Variants in TCF7L1 observed in about 807,000 individuals in gnomAD.
The protein encoded by TCF7L1 is transcription factor 7 like 1.
In TCF7L1, 18 loss-of-function variants were observed where a neutral mutation model predicts 63.7. That is an observed-to-expected ratio of 0.28 (90% confidence interval 0.20 to 0.42). The LOEUF (loss-of-function observed/expected upper bound fraction) is 0.42. TCF7L1 is among the 10% of genes least tolerant of loss of function. TCF7L1 has a pLI of 1.00. For synonymous variants in TCF7L1, 355 were observed against 340.9 expected, an observed-to-expected ratio of 1.04 and a Z score of -0.46; for missense variants, 654 against 779.3, an observed-to-expected ratio of 0.84 and a Z score of 1.91.
At chr2:85,199,226 G>A (rs1464065345) in intron 3 of TCF7L1, among the ~76,000 whole-genome samples, 2 of 152,074 alleles carry the variant, frequency 1.3e-5, no homozygotes, top group African/African-American at 2.4e-5. Flanking sequence ...TTCAGTCCCT[G>A]CCCAGCTCAC....
chr2:85,143,666 C>T (rs1677798065), intron 3 of TCF7L1, among the ~76,000 whole-genome samples: 2 of 152,194 alleles, frequency 1.3e-5, no homozygotes, highest in African/African-American at 4.8e-5. Flanking sequence ...GTCTAGGTCT[C>T]CCATTCTACC....
chr2:85,248,255 G>A (rs1368453308), intron 3 of TCF7L1, among the ~76,000 whole-genome samples: 1 of 152,130 alleles, frequency 6.6e-6, no homozygotes, highest in Admixed American at 6.5e-5. Context: ...ACAAACACTT[G>A]CTTGGTTTTT....
At chr2:85,137,835 A>G (rs1380756165) in intron 3 of TCF7L1, among the ~76,000 whole-genome samples, 2 of 151,462 alleles carry the variant, frequency 1.3e-5, no homozygotes, top group African/African-American at 4.9e-5. Context: ...AGAGGTTGCA[A>G]TGAGCTGAGA....
At chr2:85,268,139 A>G (rs1681024874) in intron 3 of TCF7L1, among the ~76,000 whole-genome samples, 1 of 152,198 alleles carries the variant, frequency 6.6e-6, no homozygotes, top group East Asian at 1.9e-4. Context: ...AGGTAAATGG[A>G]GTCTTACTCA....
intron 3 of TCF7L1, among the ~76,000 whole-genome samples, chr2:85,245,708 G>A (rs962672137): frequency 7.2e-5 from 11 of 151,958 alleles, no homozygotes; most frequent in Non-Finnish European, 1.5e-5. Context: ...CCAGCTACTC[G>A]GGAGGCTGAG....
At chr2:85,296,418 T>G (rs4832159) in intron 4 of TCF7L1, among the ~76,000 whole-genome samples, 114,761 of 152,146 alleles carry the variant, frequency 0.75, 44,716 homozygotes, top group East Asian at 0.94. Flanking sequence ...TGCATCCTCG[T>G]TACCTCATTT....
chr2:85,210,741 C>T (rs1013667106), intron 3 of TCF7L1, among the ~76,000 whole-genome samples: 7 of 152,270 alleles, frequency 4.6e-5, no homozygotes, highest in African/African-American at 1.7e-4. Flanking sequence ...TGGTCATTTC[C>T]GGAGTACTTG....
At chr2:85,236,836 G>C (rs189934976) in intron 3 of TCF7L1, among the ~76,000 whole-genome samples, 1 of 152,294 alleles carries the variant, frequency 6.6e-6, no homozygotes, top group African/African-American at 2.4e-5. Flanking sequence ...GAACCAGGAG[G>C]AGAGAAGGAG....
intron 7 of TCF7L1, among the ~76,000 whole-genome samples, chr2:85,304,564 C>T (rs1467036218): frequency 6.6e-6 from 1 of 152,096 alleles, no homozygotes; most frequent in Non-Finnish European, 1.5e-5. Flanking sequence ...ATTGCAAAGC[C>T]CTAGCACTCT....
At chr2:85,172,131 G>A (rs1458889188) in intron 3 of TCF7L1, among the ~76,000 whole-genome samples, 1 of 152,092 alleles carries the variant, frequency 6.6e-6, no homozygotes, top group Non-Finnish European at 1.5e-5. Flanking sequence ...TGTCCACCAG[G>A]GGAGCCCCGC....
intron 4 of TCF7L1, among the ~76,000 whole-genome samples, chr2:85,284,830 A>C (rs1347498827): frequency 6.6e-6 from 1 of 152,240 alleles, no homozygotes; most frequent in Non-Finnish European, 1.5e-5. Context: ...ATCAAAGTAG[A>C]GAGAATTACA....
chr2:85,303,550 T>G, intron 5 of TCF7L1: 1 of 223,498 alleles, frequency 4.5e-6, no homozygotes, highest in African/African-American at 2.3e-5. Flanking sequence ...GAGGCGGGCT[T>G]TCTAGAGACT....
chr2:85,236,914 A>G (rs978255034), intron 3 of TCF7L1, among the ~76,000 whole-genome samples: 4 of 152,186 alleles, frequency 2.6e-5, no homozygotes, highest in Admixed American at 2.6e-4. Context: ...GTCTACCACC[A>G]CGGGGCGAGG....
At chr2:85,253,285 C>G (rs931290928) in intron 3 of TCF7L1, among the ~76,000 whole-genome samples, 1 of 151,150 alleles carries the variant, frequency 6.6e-6, no homozygotes, top group Non-Finnish European at 1.5e-5. Context: ...AATAGTTTGA[C>G]AGCCAGTCAG....
intron 3 of TCF7L1, among the ~76,000 whole-genome samples, chr2:85,169,319 A>C (rs1678495137): frequency 6.7e-6 from 1 of 148,250 alleles, no homozygotes; most frequent in African/African-American, 2.5e-5. Context: ...GGCTTTGATG[A>C]CCTGAACTCC....
rs116356120 is a variant in TCF7L1 at position 85,133,978 on chromosome 2, T to C, written c.250-38T>C. The C allele has an allele frequency of 7.2e-3, 11,420 of 1,592,868 alleles. 65 individuals carry two copies. Among genetic ancestry groups the C allele is most frequent in the Non-Finnish European group, 9.2e-3 (10,729 of 1,168,066 alleles). On this transcript the variant is annotated intron_variant, in intron 1 of 11. Coordinates refer to ENST00000282111, the MANE Select transcript of TCF7L1 (RefSeq NM_031283.3). The surrounding 1 kb of genome is among the most constrained non-coding windows in gnomAD (Gnocchi z 4.4). ...ACCCCCGGGGGATCCCGGCCCTGCG[T>C]CCGCTCACCCGCTCTTGCCTTTGTG...
rs1478008873 is a variant in TCF7L1 at position 85,134,003 on chromosome 2, G to A, written c.250-13G>A. 13 of 1,609,328 alleles carry A rather than the reference G, an allele frequency of 8.1e-6. No homozygotes were observed. Among genetic ancestry groups the A allele is most frequent in the Non-Finnish European group, 1.1e-5 (13 of 1,178,150 alleles). ...TCCGCTCACCCGCTCTTGCCTTTGT[G>A]TCTCCTCCGCAGGCGGAGAGGCGCC... On this transcript the variant is annotated splice_polypyrimidine_tract_variant and intron_variant, in intron 1 of 11. Coordinates refer to ENST00000282111, the MANE Select transcript of TCF7L1 (RefSeq NM_031283.3). This position sits in a 1 kb window ranked among gnomAD's most constrained non-coding sequence, Gnocchi z 5.0.
intron 3 of TCF7L1, among the ~76,000 whole-genome samples, chr2:85,230,126 G>T (rs1363788386): frequency 6.6e-6 from 1 of 152,160 alleles, no homozygotes; most frequent in Non-Finnish European, 1.5e-5. Flanking sequence ...ACAATTTGGT[G>T]TCCAGCTTTT....
intron 3 of TCF7L1, among the ~76,000 whole-genome samples, chr2:85,214,846 G>A (rs1049029597): frequency 2.0e-5 from 3 of 152,134 alleles, no homozygotes; most frequent in Non-Finnish European, 4.4e-5. Context: ...ATGCATAAAG[G>A]TGGACTGTGA....
Sources: gnomAD v4.1 joint callset for allele counts (sites outside exome capture counted in the v4.1 genomes callset) on GRCh38, gnomAD v4.1.1 for gene constraint, Gnocchi (gnomAD v3.1) non-coding constraint, MANE v1.5 for transcripts, NCBI Gene and HGNC (gene_info 2026-07-23, HGNC 2026-07-21) for gene names.